Variants in DOCK8 observed in about 807,000 individuals in gnomAD.
DOCK8 encodes the protein dedicator of cytokinesis protein 8.
DOCK8 carries 141 observed loss-of-function variants against 245.6 expected under a neutral mutation model. That is an observed-to-expected ratio of 0.57 (90% CI 0.50 to 0.66). The LOEUF is 0.66. Among genes scored for constraint, DOCK8 ranks in the 30% least tolerant of loss-of-function variants. The probability of loss-of-function intolerance (pLI) is 0.00; values close to 1 mark genes in which losing one functional copy is unlikely to be tolerated. For missense variants in DOCK8, 2,965 were observed against 2,603.4 expected, an observed-to-expected ratio of 1.14 and a Z score of -3.02; for synonymous variants, 1,168 against 970.2, an observed-to-expected ratio of 1.20 and a Z score of -3.79.
intron 14 of DOCK8, among the ~76,000 whole-genome samples, chr9:364,641 GAAAAAA>G (rs34033459): frequency 1.5e-4 from 13 of 84,510 alleles, no homozygotes; most frequent in African/African-American, 5.7e-4. Context: ...CTCAAAAATT[GAAAAAA>G]AAAAAAAAAA....
In DOCK8 at chr9:414,929, G is replaced by T; in HGVS notation, c.3678G>T (p.Leu1226Phe). Reference sequence around the variant, plus strand: ...TAGTTGGCATCATTTTGGATGCTTTGCCACAGCTCTGTGACTTTACAGGTA... The same window carrying T: ...TAGTTGGCATCATTTTGGATGCTTTTCCACAGCTCTGTGACTTTACAGGTA... Reference protein sequence around the residue: ...LPLVGIILDALPQLCDFTVAD... With the variant: ...LPLVGIILDAFPQLCDFTVAD... The change falls in exon 29 of 48, where the codon TTG becomes TTT. Residue 1226 changes from leucine (L) to phenylalanine (F), a missense_variant. By Grantham distance (22) the Leu-to-Phe change is conservative (BLOSUM62 0). Transcript: ENST00000432829. 1 of 1,613,882 alleles carries T rather than the reference G, an allele frequency of 6.2e-7. No homozygotes were observed. Among genetic ancestry groups the T allele is most frequent in the Non-Finnish European group, 8.5e-7 (1 of 1,180,018 alleles).
intron 1 of DOCK8, among the ~76,000 whole-genome samples, chr9:222,009 C>G (rs1327375148): frequency 1.3e-5 from 2 of 151,960 alleles, no homozygotes; most frequent in Non-Finnish European, 2.9e-5. Flanking sequence ...ACCTGCCTCC[C>G]GGTGCTTTGG....
intron 4 of DOCK8, among the ~76,000 whole-genome samples, chr9:299,693 G>T (rs1304866877): frequency 6.6e-6 from 1 of 151,834 alleles, no homozygotes; most frequent in Non-Finnish European, 1.5e-5. Context: ...ATAGGTTTGG[G>T]TCAGAGAAAT....
intron 21 of DOCK8, among the ~76,000 whole-genome samples, chr9:382,144 A>C (rs2053745106): frequency 6.6e-6 from 1 of 152,206 alleles, no homozygotes; most frequent in Admixed American, 6.5e-5. Context: ...TAAAGTTGTC[A>C]TTTAAATATT....
rs540931501 is a variant in DOCK8 at position 279,346 on chromosome 9, A to G, written c.157-7115A>G. 8.5e-5 allele frequency among the ~76,000 whole-genome samples: 13 copies of G among 152,366 alleles called. 1 individual carries two copies. The South Asian group carries it at 2.3e-3, about 27-fold the overall frequency. ...AACCTGGAATTTATGGCAGAAGTTG[A>G]GGCTGCAGATATAAACTTGTAATTT... On this transcript the variant is annotated intron_variant, in intron 2 of 47. Transcript: ENST00000432829.
At chr9:310,785 A>G (rs77180456) in intron 5 of DOCK8, among the ~76,000 whole-genome samples, 3,621 of 152,264 alleles carry the variant, frequency 0.024, 134 homozygotes, top group African/African-American at 0.08. Context: ...CAGAAGCTAG[A>G]TGTGCACTTT....
intron 42 of DOCK8, among the ~76,000 whole-genome samples, chr9:442,974 T>C (rs1383949345): frequency 6.6e-6 from 1 of 152,224 alleles, no homozygotes; most frequent in African/African-American, 2.4e-5. Flanking sequence ...CAAAATTGTT[T>C]AGCACATGAG....
intron 1 of DOCK8, among the ~76,000 whole-genome samples, chr9:253,839 T>C (rs2047707128): frequency 6.6e-6 from 1 of 152,170 alleles, no homozygotes; most frequent in Admixed American, 6.5e-5. Context: ...GCTCGTTTAA[T>C]ACACAGTCAC....
chr9:436,061 C>A (rs1452170453), intron 39 of DOCK8, among the ~76,000 whole-genome samples: 2 of 152,212 alleles, frequency 1.3e-5, no homozygotes, highest in Non-Finnish European at 2.9e-5. Context: ...AAAGAAAGAA[C>A]AATTCAAAGT....
chr9:345,220 A>G (rs571504704), intron 14 of DOCK8, among the ~76,000 whole-genome samples: 2 of 152,336 alleles, frequency 1.3e-5, no homozygotes, highest in South Asian at 4.1e-4. Context: ...TAAGGAAATC[A>G]AATAACTGAA....
chr9:430,432 AG>A (rs2056666625), intron 36 of DOCK8, among the ~76,000 whole-genome samples: 1 of 152,104 alleles, frequency 6.6e-6, no homozygotes, highest in African/African-American at 2.4e-5. Flanking sequence ...CTGTAATCCT[AG>A]CACTTCGGGA....
At chr9:403,217 A>C (rs934330767) in intron 26 of DOCK8, among the ~76,000 whole-genome samples, 1 of 152,200 alleles carries the variant, frequency 6.6e-6, no homozygotes, top group South Asian at 2.1e-4. Flanking sequence ...TGATGTCTCA[A>C]GGGACCTATG....
At chr9:308,637 A>G (rs1020824728) in intron 5 of DOCK8, among the ~76,000 whole-genome samples, 4 of 152,160 alleles carry the variant, frequency 2.6e-5, no homozygotes, top group Admixed American at 2.6e-4. Context: ...TACTGTGATT[A>G]TCTTTCTCTT....
At chr9:304,047 A>G (rs2049688052) in intron 4 of DOCK8, among the ~76,000 whole-genome samples, 1 of 152,236 alleles carries the variant, frequency 6.6e-6, no homozygotes, top group South Asian at 2.1e-4. Flanking sequence ...ACAGCTGTAT[A>G]TTATTCAACA....
chr9:330,557 T>G (rs2050964361), intron 9 of DOCK8, among the ~76,000 whole-genome samples: 1 of 152,208 alleles, frequency 6.6e-6, no homozygotes, highest in Admixed American at 6.5e-5. Context: ...ATGATCCCTG[T>G]GCCTGAGTGG....
chr9:230,391 T>C (rs1402249706), intron 1 of DOCK8, among the ~76,000 whole-genome samples: 2 of 152,168 alleles, frequency 1.3e-5, no homozygotes, highest in African/African-American at 2.4e-5. Context: ...AGCAGCATGA[T>C]TTATAGTCCT....
chr9:295,505 C>A (rs1333840354), intron 4 of DOCK8, among the ~76,000 whole-genome samples: 1 of 152,114 alleles, frequency 6.6e-6, no homozygotes, highest in Non-Finnish European at 1.5e-5. Context: ...TATCAGAAAA[C>A]ATACTTATAT....
At chr9:415,538 C>T (rs921082352) in intron 29 of DOCK8, among the ~76,000 whole-genome samples, 6 of 151,826 alleles carry the variant, frequency 4.0e-5, no homozygotes, top group African/African-American at 1.5e-4. Flanking sequence ...TTGTGAAACC[C>T]CAGAATCTAT....
Position 382,633 on chromosome 9 carries a change from C to T in DOCK8, c.2726C>T (p.Ala909Val), listed in dbSNP as rs755930102. 4 of 1,614,098 alleles carry T rather than the reference C, an allele frequency of 2.5e-6. No individual in the cohort carries two copies. The South Asian group carries it at 3.3e-5, about 13-fold the overall frequency. The part of the protein sequence containing the change: ...RVMSSSNPDL[A>V]GTHSAADEEV... ...ATGAGCAGCAGTAACCCAGACCTCG[C>T]GGGGACACACTCCGCAGCAGACGAG... The change falls in exon 22 of 48, where the codon GCG (alanine) becomes GTG (valine). Residue 909 changes from alanine (A) to valine (V), a missense_variant. Around this residue, in one of 3 missense-constraint regions of DOCK8, gnomAD observed 2,825 missense variants for 2,453.5 expected, o/e 1.15. Transcript: ENST00000432829.
Sources: gnomAD v4.1 joint callset for allele counts (sites outside exome capture counted in the v4.1 genomes callset) on GRCh38, gnomAD v4.1.1 for gene constraint, gnomAD v4.1.1 regional missense constraint, MANE v1.5 for transcripts, NCBI Gene and HGNC (gene_info 2026-07-23, HGNC 2026-07-21) for gene names.